TRHDE: variants seen among roughly 807,000 people sequenced by gnomAD.
The protein encoded by TRHDE is thyrotropin-releasing hormone-degrading ectoenzyme.
In TRHDE, 72 loss-of-function variants were observed where a neutral mutation model predicts 125.7. The ratio of observed to expected loss-of-function variants is 0.57; its 90% CI spans 0.47 to 0.70. The LOEUF (loss-of-function observed/expected upper bound fraction) is 0.70. TRHDE is among the 30% of genes least tolerant of loss of function. TRHDE has a pLI of 0.00. For synonymous variants in TRHDE, 509 were observed against 509.1 expected (o/e 1.00, Z 0.00); for missense variants, 1,110 against 1,327.1 (o/e 0.84, Z 2.54).
At chr12:72,431,367 C>A (rs375849025) in intron 3 of TRHDE, among the ~76,000 whole-genome samples, 36 of 152,100 alleles carry the variant, frequency 2.4e-4, no homozygotes, top group East Asian at 1.3e-3. Flanking sequence ...TAAAAACAAG[C>A]CAAATGCTGA....
chr12:72,141,107 A>G (rs1876101601), intron 2 of TRHDE, among the ~76,000 whole-genome samples: 1 of 152,164 alleles, frequency 6.6e-6, no homozygotes, highest in Non-Finnish European at 1.5e-5. Flanking sequence ...GCCTACTTAT[A>G]TGAAGATATA....
upstream of TRHDE, chr12:72,272,286 A>G: frequency 2.7e-6 from 1 of 365,684 alleles, no homozygotes; most frequent in Non-Finnish European, 5.4e-6. The surrounding 1 kb of genome is among the most constrained non-coding windows in gnomAD (Gnocchi z 6.7). Context: ...GCGAGGCGAG[A>G]GCGCGGCGCA....
chr12:72,232,966 G>C (rs1373579863), intron 2 of TRHDE, among the ~76,000 whole-genome samples: 1 of 151,980 alleles, frequency 6.6e-6, no homozygotes, highest in Non-Finnish European at 1.5e-5. Context: ...TCAAAGCAGG[G>C]GATTTAATCT....
intron 2 of TRHDE, among the ~76,000 whole-genome samples, chr12:72,232,709 C>A (rs1039867839): frequency 6.6e-6 from 1 of 152,012 alleles, no homozygotes; most frequent in African/African-American, 2.4e-5. Context: ...TGCCATTTTC[C>A]GCTACCTAAA....
intron 3 of TRHDE, among the ~76,000 whole-genome samples, chr12:72,379,728 C>T (rs1039069467): frequency 5.9e-5 from 9 of 152,202 alleles, no homozygotes; most frequent in Admixed American, 2.6e-4. Context: ...AATTGAACCA[C>T]GCAGCCTTTC....
rs556847755 is a variant in TRHDE at position 72,291,200 on chromosome 12, G to A, written c.1188+4246G>A. Among the ~76,000 whole-genome samples the A allele has an allele frequency of 5.3e-5, 8 of 152,258 alleles. No homozygotes were observed. In the South Asian group the frequency reaches 1.7e-3, roughly 32 times the overall value. Reference sequence around the variant, plus strand: ...TGGTCATAGTTTCTCTCACTCTGAAGACCTGTTAACGAAAGATACAAGCTA... The same window carrying A: ...TGGTCATAGTTTCTCTCACTCTGAAAACCTGTTAACGAAAGATACAAGCTA... On this transcript the variant is annotated intron_variant, in intron 2 of 18. Transcript: ENST00000261180.
chr12:72,448,115 G>A (rs963964867), intron 3 of TRHDE, among the ~76,000 whole-genome samples: 2 of 152,014 alleles, frequency 1.3e-5, no homozygotes, highest in Non-Finnish European at 2.9e-5. Flanking sequence ...TCTCCTTGCA[G>A]AATGCATTCT....
At chr12:72,240,576 T>G (rs1878456854) in intron 2 of TRHDE, among the ~76,000 whole-genome samples, 1 of 151,766 alleles carries the variant, frequency 6.6e-6, no homozygotes, top group Admixed American at 6.6e-5. Flanking sequence ...TTAATTTTTT[T>G]TTTTGTTTTT....
chr12:72,250,058 T>C lies in TRHDE; in HGVS notation n.280-127937T>C, dbSNP rs4569043. 1.0e-2 allele frequency among the ~76,000 whole-genome samples: 1,519 copies of C among 152,242 alleles called. 24 individuals are homozygous for C. Among genetic ancestry groups the C allele is most frequent in the African/African-American group, 0.034 (1,420 of 41,546 alleles). On this transcript the variant is annotated intron_variant and non_coding_transcript_variant, in intron 2 of 4. Coordinates refer to the TRHDE transcript ENST00000548156. ...AAAGAAGCCAGATGACAAAAGAATA[T>C]TCACTTTTGCTTTCACTTAAGTAAA... is the stretch of plus-strand genomic sequence containing the variant.
At chr12:72,421,910 T>C (rs927614783) in intron 3 of TRHDE, among the ~76,000 whole-genome samples, 3 of 152,170 alleles carry the variant, frequency 2.0e-5, no homozygotes, top group Non-Finnish European at 4.4e-5. Flanking sequence ...TACTCATATA[T>C]CCTATTAAAT....
At chr12:72,416,124 A>T (rs1405206736) in intron 3 of TRHDE, among the ~76,000 whole-genome samples, 1 of 151,634 alleles carries the variant, frequency 6.6e-6, no homozygotes, top group Admixed American at 6.6e-5. Context: ...TTGTGGTTTT[A>T]ATTTGCATTT....
At chr12:72,187,700 C>T (rs2139346582) in intron 2 of TRHDE, among the ~76,000 whole-genome samples, 1 of 152,274 alleles carries the variant, frequency 6.6e-6, no homozygotes, top group South Asian at 2.1e-4. Context: ...GAAACACCCT[C>T]ACAGAAACAC....
At chr12:72,277,252 T>A in intron 1 of TRHDE, among the ~76,000 whole-genome samples, 1 of 152,164 alleles carries the variant, frequency 6.6e-6, no homozygotes, top group East Asian at 1.9e-4. Context: ...TTTGCAAAAA[T>A]CTTGGGGAGA....
intron 2 of TRHDE, among the ~76,000 whole-genome samples, chr12:72,222,859 C>T (rs1009297834): frequency 2.0e-5 from 3 of 152,064 alleles, no homozygotes; most frequent in Non-Finnish European, 4.4e-5. Context: ...GCAAAGGTTA[C>T]TTGAGTTTTT....
At chr12:72,644,649 G>A (rs964439902) in intron 15 of TRHDE, among the ~76,000 whole-genome samples, 6 of 152,212 alleles carry the variant, frequency 3.9e-5, no homozygotes, top group African/African-American at 1.2e-4. Flanking sequence ...AGAGATAGGA[G>A]TTTGGACTAA....
chr12:72,531,121 C>T (rs1355842388), intron 6 of TRHDE, among the ~76,000 whole-genome samples: 5 of 152,126 alleles, frequency 3.3e-5, no homozygotes, highest in Admixed American at 3.3e-4. Context: ...ACATCCTCAT[C>T]TGTGCTTATT....
Position 72,469,873 on chromosome 12 carries a change from G to A in TRHDE, c.1431G>A (p.Leu477=), listed in dbSNP as rs1876559437. Residue 477 remains leucine (L), a synonymous_variant, in exon 4 of 19, where the codon CTG becomes CTA. Coordinates refer to ENST00000261180, the MANE Select transcript of TRHDE (RefSeq NM_013381.3). ...DPSVSSISYL[L]DVTMVIVHEI... is the part of the protein sequence containing the mutation. ...GTGTTTCATCTATTTCTTATTTGCT[G>A]GATGTCACCATGGTCATTGTTCATG... The A allele has an allele frequency of 6.2e-7, 1 of 1,614,040 alleles. No individual in the cohort carries two copies. The highest frequency in any genetic ancestry group is 8.5e-7 in the Non-Finnish European group (1 of 1,179,982).
intron 2 of TRHDE, among the ~76,000 whole-genome samples, chr12:72,250,581 A>C (rs1361772149): frequency 6.6e-6 from 1 of 152,088 alleles, no homozygotes; most frequent in African/African-American, 2.4e-5. Flanking sequence ...AGGCAACTTA[A>C]AAAATCTTTC....
At chr12:72,194,796 T>C (rs1486185786) in intron 2 of TRHDE, among the ~76,000 whole-genome samples, 9 of 152,150 alleles carry the variant, frequency 5.9e-5, no homozygotes, top group African/African-American at 2.2e-4. Flanking sequence ...GTGTTTAGAT[T>C]GACTCTATGT....
Sources: gnomAD v4.1 joint callset for allele counts (sites outside exome capture counted in the v4.1 genomes callset) on GRCh38, gnomAD v4.1.1 for gene constraint, Gnocchi (gnomAD v3.1) non-coding constraint, MANE v1.5 for transcripts, NCBI Gene and HGNC (gene_info 2026-07-23, HGNC 2026-07-21) for gene names.